The following AMZ1 variants were observed in gnomAD, a reference collection of about 807,000 sequenced individuals.
AMZ1 encodes the protein archaemetzincin-1.
In AMZ1, 39 loss-of-function variants were observed where a neutral mutation model predicts 29.9. The ratio of observed to expected loss-of-function variants is 1.30; its 90% CI spans 1.01 to 1.70. The LOEUF (loss-of-function observed/expected upper bound fraction) is 1.70. Among genes scored for constraint, AMZ1 ranks in the 40% most tolerant of loss-of-function variants. AMZ1 has a pLI of 0.00. For missense variants in AMZ1, 1,041 were observed against 680.6 expected (o/e 1.53, Z -5.89); for synonymous variants, 458 against 304.0 (o/e 1.51, Z -5.27).
At chr7:2,733,636 G>C (rs1790013128) in intron 4 of AMZ1, 2 of 682,368 alleles carry the variant, frequency 2.9e-6, no homozygotes, top group East Asian at 5.5e-5. Context: ...AAAAGGCAGA[G>C]AGTGTCCGTG....
intron 4 of AMZ1, among the ~76,000 whole-genome samples, chr7:2,753,354 T>C (rs149626162): frequency 3.9e-5 from 6 of 152,300 alleles, no homozygotes; most frequent in African/African-American, 1.2e-4. Flanking sequence ...TCTTGCTATG[T>C]TGTCCAGGCT....
intron 4 of AMZ1, 120 bp from the exon 5 acceptor site, chr7:2,708,955 A>G: frequency 8.2e-6 from 11 of 1,346,032 alleles, no homozygotes; most frequent in Non-Finnish European, 1.1e-5. Flanking sequence ...AGGGCCTCCC[A>G]GGACTGGTAT....
In AMZ1 at chr7:2,718,001, C is replaced by T. The variant is rs913840101; in HGVS notation, c.*5123C>T. Among the ~76,000 whole-genome samples, 12 of 152,308 alleles carry T rather than the reference C, an allele frequency of 7.9e-5. No individual in the cohort carries two copies. In the East Asian group the frequency reaches 1.2e-3, roughly 15 times the overall value. On this transcript the variant is annotated 3_prime_UTR_variant, in exon 7 of 7. Transcript: ENST00000683327. ...ACACGGCGGCCCCTGCCTCCCCCGG[C>T]GGCTCCACAATGGCCCTCAGAGGGT...
chr7:2,757,651 T>C (rs927117978), intron 4 of AMZ1, among the ~76,000 whole-genome samples: 6 of 152,226 alleles, frequency 3.9e-5, no homozygotes, highest in African/African-American at 1.4e-4. Flanking sequence ...TCATTACATC[T>C]GTGCCGTTTT....
At chr7:2,710,461 G>C (rs1788700846) in intron 6 of AMZ1, among the ~76,000 whole-genome samples, 1 of 152,252 alleles carries the variant, frequency 6.6e-6, no homozygotes, top group Admixed American at 6.5e-5. Context: ...AGCAGTCAAT[G>C]AAACCGCGCT....
At chr7:2,743,038 C>T (rs951759369) in intron 4 of AMZ1, among the ~76,000 whole-genome samples, 4 of 152,116 alleles carry the variant, frequency 2.6e-5, no homozygotes, top group African/African-American at 9.7e-5. Context: ...TCTTTTTGGC[C>T]AGGAGAACAA....
intron 4 of AMZ1, among the ~76,000 whole-genome samples, chr7:2,740,126 T>C (rs548415444): frequency 6.6e-6 from 1 of 152,186 alleles, no homozygotes; most frequent in Non-Finnish European, 1.5e-5. Context: ...TTAAAAACGG[T>C]GGCCATCCTA....
chr7:2,710,954 G>A (rs934821844), intron 6 of AMZ1, among the ~76,000 whole-genome samples: 8 of 152,216 alleles, frequency 5.3e-5, no homozygotes, highest in Non-Finnish European at 1.2e-4. Flanking sequence ...AGCTTGGTCT[G>A]CAGAAAGGGT....
chr7:2,727,727 A>C (rs1296040579), intron 4 of AMZ1, among the ~76,000 whole-genome samples: 5 of 152,182 alleles, frequency 3.3e-5, no homozygotes, highest in Non-Finnish European at 7.4e-5. Context: ...AACTGTGATG[A>C]ATAAATAATA....
At position 2,714,232 on chromosome 7, in the gene AMZ1, G is replaced by A. The variant is rs1218984305; in HGVS notation, c.*1354G>A. 6.6e-6 allele frequency: 1 copy of A among 152,334 alleles called. No homozygotes were observed. The highest frequency in any genetic ancestry group is 1.5e-5 in the Non-Finnish European group (1 of 68,072). 9.4% of individuals were successfully genotyped at this position (152,334 alleles called of 1,614,324 possible). On this transcript the variant is annotated 3_prime_UTR_variant, in exon 7 of 7. Coordinates refer to ENST00000683327, the MANE Select transcript of AMZ1 (RefSeq NM_001384743.1). Reference sequence around the variant, plus strand: ...GAGAGAGGCAAGAACAGGGCAGCTTGGACCTTTTGTGGGTGGGTGGCTCAC... The same window carrying A: ...GAGAGAGGCAAGAACAGGGCAGCTTAGACCTTTTGTGGGTGGGTGGCTCAC...
intron 4 of AMZ1, among the ~76,000 whole-genome samples, chr7:2,754,185 C>T (rs989267468): frequency 6.6e-6 from 1 of 152,194 alleles, no homozygotes; most frequent in East Asian, 1.9e-4. Flanking sequence ...AGTGCTAGCT[C>T]ACAGCAGTCT....
At chr7:2,710,427 G>A (rs1227389454) in intron 6 of AMZ1, among the ~76,000 whole-genome samples, 1 of 152,230 alleles carries the variant, frequency 6.6e-6, no homozygotes, top group Non-Finnish European at 1.5e-5. Flanking sequence ...CAGTTATAAG[G>A]TGCTCACTGC....
rs144774429 is a variant in AMZ1, at chr7:2,712,497, C to T, written c.1116C>T (p.Ala372=). Residue 372 remains alanine, a synonymous_variant, in exon 7 of 7, where the codon GCC becomes GCT. Coordinates refer to ENST00000683327, the MANE Select transcript of AMZ1 (RefSeq NM_001384743.1). ...TSVSEPLTPD[A]GSHTFASGPE... is the part of the protein sequence containing the mutation. Reference sequence around the variant, plus strand: ...TGTCGGAGCCCCTCACCCCTGATGCCGGGAGTCACACCTTCGCCTCGGGGC... The same window carrying T: ...TGTCGGAGCCCCTCACCCCTGATGCTGGGAGTCACACCTTCGCCTCGGGGC... 267 of 1,609,054 alleles carry T rather than the reference C, an allele frequency of 1.7e-4. No homozygotes were observed. Among genetic ancestry groups the T allele is most frequent in the Middle Eastern group, 1.6e-4 (1 of 6,070 alleles).
chr7:2,711,200 G>T lies in AMZ1; in HGVS notation c.949-1130G>T, dbSNP rs578218205. 5.3e-5 allele frequency among the ~76,000 whole-genome samples: 8 copies of T among 152,300 alleles called. No individual in the cohort carries two copies. The South Asian group carries it at 8.3e-4, about 16-fold the overall frequency. Reference sequence around the variant, plus strand: ...GGGCAAAGGCACTCCAGGGTGGCCTGGCCCTCCTGGCTGTTGTAGGGAGGG... The same window carrying T: ...GGGCAAAGGCACTCCAGGGTGGCCTTGCCCTCCTGGCTGTTGTAGGGAGGG... On this transcript the variant is annotated intron_variant, in intron 6 of 6. Coordinates refer to ENST00000683327, the MANE Select transcript of AMZ1 (RefSeq NM_001384743.1).
At chr7:2,724,974 A>G (rs1789561261) in intron 4 of AMZ1, among the ~76,000 whole-genome samples, 1 of 140,690 alleles carries the variant, frequency 7.1e-6, no homozygotes, top group African/African-American at 2.5e-5. Context: ...GCGCAGAAGC[A>G]CTGTGGTCTA....
rs764109887 is a variant in AMZ1, at chr7:2,731,818, A to C, written n.550+22002A>C. On this transcript the variant is annotated intron_variant and non_coding_transcript_variant, in intron 4 of 4. Transcript: ENST00000489665. The surrounding 1 kb of genome is among the most constrained non-coding windows in gnomAD (Gnocchi z 6.0). ...AAGAACAGAGAAAATAGAAACAAAA[A>C]GATGGCAAAAAGATAAGAAGGAAAG... 8.5e-6 allele frequency: 7 copies of C among 823,740 alleles called. No homozygotes were observed. The highest frequency in any genetic ancestry group is 1.3e-5 in the Non-Finnish European group (7 of 559,200). 51.0% of individuals were successfully genotyped at this position (823,740 alleles called of 1,614,324 possible).
At position 2,752,888 on chromosome 7, in the gene AMZ1, G is replaced by A. The variant is rs142222258; in HGVS notation, n.551-11824G>A. Among the ~76,000 whole-genome samples, 197 of 152,238 alleles carry A rather than the reference G, an allele frequency of 1.3e-3. 1 individual carries two copies. The highest frequency in any genetic ancestry group is 4.5e-3 in the African/African-American group (186 of 41,522). ...ACCAGGGAACTGACGTTAGTACAATGTGTGTGTGGTTCCATGCACTTTGTC... is the reference window on the plus strand; with the variant it reads ...ACCAGGGAACTGACGTTAGTACAATATGTGTGTGGTTCCATGCACTTTGTC... On this transcript the variant is annotated intron_variant and non_coding_transcript_variant, in intron 4 of 4. Coordinates refer to the AMZ1 transcript ENST00000489665.
rs60811216 is a variant in AMZ1, at chr7:2,704,588, C to CTTTTTT, written c.472+1720_472+1725dup. On this transcript the variant is annotated intron_variant, in intron 3 of 6. Transcript: ENST00000683327. Reference sequence around the variant, plus strand: ...TCTTTTTGAAATTAGCAGTGTCACGCTTTTTTTTTTTTTTTTTTTTTTTTT... The same window carrying CTTTTTT: ...TCTTTTTGAAATTAGCAGTGTCACGCTTTTTTTTTTTTTTTTTTTTTTTTTTTTTTT... 6.0e-5 allele frequency among the ~76,000 whole-genome samples: 5 copies of CTTTTTT among 83,880 alleles called. 1 individual carries two copies. Among genetic ancestry groups the CTTTTTT allele is most frequent in the African/African-American group, 3.0e-4 (4 of 13,366 alleles). The allele number at this position is 83,880 out of a possible 152,430, so 55.0% of individuals were successfully genotyped here.
chr7:2,752,235 G>C (rs1353821396), intron 4 of AMZ1, among the ~76,000 whole-genome samples: 1 of 152,094 alleles, frequency 6.6e-6, no homozygotes, highest in Non-Finnish European at 1.5e-5. Flanking sequence ...TTCAACACAT[G>C]CTCAGGGCTT....
Sources: allele counts gnomAD v4.1 joint callset (sites outside exome capture counted in the v4.1 genomes callset), GRCh38; gene constraint gnomAD v4.1.1; non-coding constraint Gnocchi (gnomAD v3.1); transcripts MANE v1.5; gene names NCBI Gene and HGNC (gene_info 2026-07-23, HGNC 2026-07-21).